The following MIPOL1 variants were observed in gnomAD, a reference collection of about 807,000 sequenced individuals.
MIPOL1 encodes the protein mirror-image polydactyly gene 1 protein.
MIPOL1 carries 57 observed loss-of-function variants against 60.9 expected under a neutral mutation model. The observed-to-expected ratio is 0.94, with a 90% confidence interval of 0.76 to 1.17. The LOEUF is 1.17. MIPOL1 is among the 50% of genes most tolerant of loss of function. The pLI, the probability that MIPOL1 is intolerant of heterozygous loss-of-function variation, is 0.00. For missense variants in MIPOL1, 551 were observed against 511.6 expected, an observed-to-expected ratio of 1.08 and a Z score of -0.74; for synonymous variants, 179 against 168.8, an observed-to-expected ratio of 1.06 and a Z score of -0.47.
At chr14:37,270,341 C>A (rs1021672732) in intron 5 of MIPOL1, 79 bp from the exon 6 acceptor site, 61 of 707,466 alleles carry the variant, frequency 8.6e-5, no homozygotes, top group Non-Finnish European at 1.3e-4. Context: ...TAAGAAAAAA[C>A]CAAAAACTTT....
chr14:37,309,655 C>T (rs1258725898), intron 9 of MIPOL1, among the ~76,000 whole-genome samples: 3 of 151,222 alleles, frequency 2.0e-5, no homozygotes, highest in African/African-American at 7.3e-5. Flanking sequence ...TGCTATCTTT[C>T]TAGCTCATTC....
chr14:37,274,985 ATTGT>A (rs143426625), intron 6 of MIPOL1, among the ~76,000 whole-genome samples: 2,321 of 150,000 alleles, frequency 0.015, 29 homozygotes, highest in Non-Finnish European at 0.025. Flanking sequence ...CAAGGAATTG[ATTGT>A]TTATTTCTTT....
At chr14:37,514,906 T>A (rs536511785) in intron 12 of MIPOL1, among the ~76,000 whole-genome samples, 2 of 152,302 alleles carry the variant, frequency 1.3e-5, no homozygotes, top group Non-Finnish European at 2.9e-5. Context: ...TAGGTACAGC[T>A]TTTATTCCCA....
At chr14:37,259,362 G>A (rs936720843) in intron 3 of MIPOL1, among the ~76,000 whole-genome samples, 2 of 151,834 alleles carry the variant, frequency 1.3e-5, no homozygotes, top group African/African-American at 2.4e-5. Context: ...CCAGGAGTTC[G>A]AGACCAGCCT....
At chr14:37,402,979 G>A (rs941550419) in intron 10 of MIPOL1, among the ~76,000 whole-genome samples, 9 of 152,242 alleles carry the variant, frequency 5.9e-5, no homozygotes, top group Non-Finnish European at 1.0e-4. Flanking sequence ...CAACCTGTTC[G>A]TTTCCACAGA....
chr14:37,202,297 G>A lies in MIPOL1; in HGVS notation c.-199+4193G>A, dbSNP rs555916275. On this transcript the variant is annotated intron_variant, in intron 1 of 12. Transcript: ENST00000684589. ...ATTGTTATGCAGATAGATTTAAGAGGGGCCTCACCTTCCACTATCAATTCA... is the reference window on the plus strand; with the variant it reads ...ATTGTTATGCAGATAGATTTAAGAGAGGCCTCACCTTCCACTATCAATTCA... Among the ~76,000 whole-genome samples the A allele has an allele frequency of 2.6e-5, 4 of 151,822 alleles. No homozygotes were observed. The South Asian group carries it at 8.3e-4, about 32-fold the overall frequency.
chr14:37,323,657 G>A lies in MIPOL1; in HGVS notation c.828+15138G>A, dbSNP rs544335533. 9.2e-5 allele frequency among the ~76,000 whole-genome samples: 14 copies of A among 151,982 alleles called. No individual in the cohort carries two copies. In the South Asian group the frequency reaches 1.2e-3, roughly 14 times the overall value. On this transcript the variant is annotated intron_variant, in intron 9 of 12. Coordinates refer to ENST00000684589, the MANE Select transcript of MIPOL1 (RefSeq NM_001388067.1). Reference sequence around the variant, plus strand: ...AATGAAATACATAAATATTAAACTGGCAATTTGATGACTTTTGACAAATTC... The same window carrying A: ...AATGAAATACATAAATATTAAACTGACAATTTGATGACTTTTGACAAATTC...
intron 11 of MIPOL1, among the ~76,000 whole-genome samples, chr14:37,469,577 G>A (rs900409092): frequency 6.6e-6 from 1 of 152,102 alleles, no homozygotes; most frequent in African/African-American, 2.4e-5. Flanking sequence ...TCTAAATTAA[G>A]ATGGTGATAA....
At chr14:37,273,630 A>G (rs1189841213) in intron 6 of MIPOL1, among the ~76,000 whole-genome samples, 2 of 151,466 alleles carry the variant, frequency 1.3e-5, no homozygotes, top group Non-Finnish European at 3.0e-5. Context: ...TCAAGACCAC[A>G]TAAAACAAAA....
chr14:37,530,928 CTG>C (rs1483031509), intron 12 of MIPOL1, among the ~76,000 whole-genome samples: 1 of 151,566 alleles, frequency 6.6e-6, no homozygotes, highest in Non-Finnish European at 1.5e-5. Context: ...AGCAATTCTC[CTG>C]CCTCAGCCCC....
chr14:37,483,007 A>G (rs1408777956), intron 11 of MIPOL1, among the ~76,000 whole-genome samples: 1 of 151,996 alleles, frequency 6.6e-6, no homozygotes, highest in Admixed American at 6.6e-5. Context: ...AATCATCTCT[A>G]GCTTATACCT....
intron 12 of MIPOL1, among the ~76,000 whole-genome samples, chr14:37,510,846 AC>A (rs1288724992): frequency 1.3e-5 from 2 of 152,134 alleles, no homozygotes; most frequent in African/African-American, 4.8e-5. Flanking sequence ...CCCAGAGTTT[AC>A]TAGTTTCATA....
intron 9 of MIPOL1, among the ~76,000 whole-genome samples, chr14:37,330,710 A>ATTTTTT (rs11472946): frequency 7.2e-6 from 1 of 138,608 alleles, no homozygotes; most frequent in African/African-American, 2.7e-5. Flanking sequence ...TGTCCTCTTC[A>ATTTTTT]TTTTTTTTTT....
intron 12 of MIPOL1, among the ~76,000 whole-genome samples, chr14:37,512,487 A>G (rs2153625142): frequency 6.6e-6 from 1 of 152,216 alleles, no homozygotes; most frequent in African/African-American, 2.4e-5. Context: ...TGAAAAAAAA[A>G]AAAAGCCTGC....
chr14:37,423,081 C>A, intron 11 of MIPOL1, 132 bp downstream of exon 11: 1 of 581,724 alleles, frequency 1.7e-6, no homozygotes, highest in Non-Finnish European at 3.1e-6. Context: ...ATTTTTATAA[C>A]TAAAAAAGAT....
rs376699369 is a variant in MIPOL1 at position 37,311,434 on chromosome 14, A to T, written c.828+2915A>T. Among the ~76,000 whole-genome samples the T allele has an allele frequency of 1.5e-3, 231 of 152,290 alleles. 5 individuals are homozygous for T. In the South Asian group the frequency reaches 0.047, roughly 31 times the overall value. ...TAACATTTGGTAATATTTGCTGACA[A>T]GTTGTTATGTATAAATACCACCGCA... On this transcript the variant is annotated intron_variant, in intron 9 of 12. Transcript: ENST00000684589.
downstream of MIPOL1, chr14:37,552,349 A>T (rs1253967765): frequency 1.3e-5 from 2 of 152,044 alleles, no homozygotes; most frequent in Non-Finnish European, 2.9e-5. Context: ...AACGTATGTG[A>T]TATTTACTGT....
chr14:37,251,535 A>AT (rs1341934458), intron 3 of MIPOL1, among the ~76,000 whole-genome samples: 9 of 151,594 alleles, frequency 5.9e-5, no homozygotes, highest in Middle Eastern at 3.2e-3. Flanking sequence ...GAAAACTTCT[A>AT]TTTAAGGGTT....
At chr14:37,310,811 AGT>A (rs1018747499) in intron 9 of MIPOL1, among the ~76,000 whole-genome samples, 55 of 152,192 alleles carry the variant, frequency 3.6e-4, no homozygotes, top group African/African-American at 1.1e-3. Flanking sequence ...CCTGTATTCT[AGT>A]GTGTGTTTGT....
Sources: gnomAD v4.1 joint callset for allele counts (sites outside exome capture counted in the v4.1 genomes callset) on GRCh38, gnomAD v4.1.1 for gene constraint, MANE v1.5 for transcripts, NCBI Gene and HGNC (gene_info 2026-07-23, HGNC 2026-07-21) for gene names.